Variants in GPR83 observed in about 807,000 individuals in gnomAD.
GPR83 encodes the protein G protein-coupled receptor 83.
GPR83 carries 23 observed loss-of-function variants against 28.0 expected under a neutral mutation model. The observed-to-expected ratio is 0.82, with a 90% CI of 0.59 to 1.16. The LOEUF (loss-of-function observed/expected upper bound fraction) is 1.16, where lower values mean the gene tolerates loss of function less well. Ranked by LOEUF, GPR83 falls within the 50% of genes most tolerant of loss-of-function variation. GPR83 has a pLI of 0.00. For synonymous variants in GPR83, 234 were observed against 215.4 expected, an observed-to-expected ratio of 1.09 and a Z score of -0.76; for missense variants, 610 against 536.6, an observed-to-expected ratio of 1.14 and a Z score of -1.35.
At chr11:94,394,940 T>G (rs1944852314) in intron 2 of GPR83, among the ~76,000 whole-genome samples, 1 of 152,176 alleles carries the variant, frequency 6.6e-6, no homozygotes, top group Non-Finnish European at 1.5e-5. Flanking sequence ...TAATCTGGGG[T>G]AAGCATAGGC....
At chr11:94,384,327 C>T (rs909635338) in intron 3 of GPR83, among the ~76,000 whole-genome samples, 5 of 152,168 alleles carry the variant, frequency 3.3e-5, no homozygotes, top group African/African-American at 1.2e-4. Flanking sequence ...ATCGATGGAA[C>T]ATATCTCAAA....
At chr11:94,399,037 C>T (rs1944889559) in intron 1 of GPR83, among the ~76,000 whole-genome samples, 1 of 152,174 alleles carries the variant, frequency 6.6e-6, no homozygotes, top group South Asian at 2.1e-4. Context: ...TCCATGGCCT[C>T]CCTACCCCTT....
Position 94,380,608 on chromosome 11 carries a change from C to A in GPR83, c.813G>T (p.Met271Ile). Residue 271 changes from methionine (M) to isoleucine (I), a missense_variant, in exon 4 of 4, where the codon ATG becomes ATT. Physicochemically the swap from Met to Ile is conservative, Grantham distance 10. Transcript: ENST00000243673. ...ACTGCTCTGTGGTCACATCGCCAAT[C>A]ATATTACACAGCCACAGTTTCTTGG... ...RVAKKLWLCN[M>I]IGDVTTEQYF... 1.9e-6 allele frequency: 3 copies of A among 1,614,124 alleles called. No individual in the cohort carries two copies. The highest frequency in any genetic ancestry group is 2.5e-6 in the Non-Finnish European group (3 of 1,180,020).
At chr11:94,398,648 C>T (rs564248482) in intron 1 of GPR83, among the ~76,000 whole-genome samples, 158 of 152,310 alleles carry the variant, frequency 1.0e-3, no homozygotes, top group African/African-American at 3.5e-3. Context: ...TAATTGTCTG[C>T]TTTTCTGTCC....
At position 94,389,674 on chromosome 11, in the gene GPR83, G is replaced by A. The variant is rs1248115145; in HGVS notation, c.647+3811C>T. Among the ~76,000 whole-genome samples, 3 of 152,262 alleles carry A rather than the reference G, an allele frequency of 2.0e-5. No individual in the cohort carries two copies. In the East Asian group the frequency reaches 5.8e-4, roughly 29 times the overall value. ...TCATTAAAAAGTCAGGAAACAACAG[G>A]TGCTGGAGAGGCTGTGGAGAAATAG... On this transcript the variant is annotated intron_variant, in intron 3 of 3. Transcript: ENST00000243673.
chr11:94,379,758 A>G lies in GPR83; in HGVS notation c.*391T>C, dbSNP rs543409573. The G allele has an allele frequency of 4.4e-5, 7 of 160,428 alleles. No homozygotes were observed. Among genetic ancestry groups the G allele is most frequent in the Non-Finnish European group, 9.5e-5 (7 of 73,636 alleles). 9.9% of individuals were successfully genotyped at this position (160,428 alleles called of 1,614,324 possible). On this transcript the variant is annotated 3_prime_UTR_variant, in exon 4 of 4. Coordinates refer to ENST00000243673, the MANE Select transcript of GPR83 (RefSeq NM_016540.4). ...CAGAGCTCTGTGCATCTGGGTCACCACACCCAAAGTATGATTTAGGTCTCC... is the reference window on the plus strand; with the variant it reads ...CAGAGCTCTGTGCATCTGGGTCACCGCACCCAAAGTATGATTTAGGTCTCC...
At position 94,401,189 on chromosome 11, in the gene GPR83, T is replaced by TG. The variant is rs1565189717; in HGVS notation, c.58dup (p.His20ProfsTer45). 2.5e-6 allele frequency: 4 copies of TG among 1,613,108 alleles called. No homozygotes were observed. Among genetic ancestry groups the TG allele is most frequent in the Non-Finnish European group, 3.4e-6 (4 of 1,179,650 alleles). ...GCTCTGCTCGTCGGCCCGGCCCTCG[T>TG]GGGGCTCGGTGGCTCGCACCAAGGG... On this transcript the variant is annotated frameshift_variant, in exon 1 of 4. Transcript: ENST00000243673. LOFTEE classifies it high-confidence loss of function.
chr11:94,380,721 G>T lies in GPR83; in HGVS notation c.700C>A (p.Leu234Ile). 6.2e-7 allele frequency: 1 copy of T among 1,612,816 alleles called. No individual in the cohort carries two copies. The highest frequency in any genetic ancestry group is 8.5e-7 in the Non-Finnish European group (1 of 1,179,882). ...CLPDFPEPAD[L>I]FWKYLDLATF... ...GCCAAGTCCAGGTACTTCCAGAAGA[G>T]GTCAGCTGGCTCAGGGAAGTCTGGC... Residue 234 changes from leucine to isoleucine, a missense_variant, in exon 4 of 4, where the codon CTC becomes ATC. By Grantham distance (5) the Leu-to-Ile change is conservative (BLOSUM62 2). Transcript: ENST00000243673.
At chr11:94,394,953 G>A (rs1439063225) in intron 2 of GPR83, among the ~76,000 whole-genome samples, 1 of 152,134 alleles carries the variant, frequency 6.6e-6, no homozygotes, top group Admixed American at 6.5e-5. Context: ...GCATAGGCCA[G>A]GTAAAAGTAA....
chr11:94,384,027 C>A (rs550724993), intron 3 of GPR83, among the ~76,000 whole-genome samples: 11 of 150,442 alleles, frequency 7.3e-5, no homozygotes, highest in African/African-American at 2.0e-4. Context: ...AGAGACACAA[C>A]AAAAAAAAAG....
In GPR83 at chr11:94,380,144, C is replaced by T; in HGVS notation, c.*5G>A. The stretch of plus-strand genomic sequence containing the variant: ...ACCCCTCCCACTCCCTCTTCCCAAC[C>T]TCTTCTAACTCATCGTCACAATGGG... On this transcript the variant is annotated 3_prime_UTR_variant, in exon 4 of 4. Transcript: ENST00000243673. 6.6e-7 allele frequency: 1 copy of T among 1,504,464 alleles called. No individual in the cohort carries two copies. Among genetic ancestry groups the T allele is most frequent in the South Asian group, 1.4e-5 (1 of 71,210 alleles). The allele number at this position is 1,504,464 out of a possible 1,614,324, so 93.2% of individuals were successfully genotyped here.
In GPR83 at chr11:94,388,721, T is replaced by A. The variant is rs184646523; in HGVS notation, c.647+4764A>T. On this transcript the variant is annotated intron_variant, in intron 3 of 3. Coordinates refer to ENST00000243673, the MANE Select transcript of GPR83 (RefSeq NM_016540.4). ...ATTCCATGCTCGTGGGTAGGAAGAA[T>A]CAGTATTGTGAAAATGGCCATACTG... 2.0e-5 allele frequency among the ~76,000 whole-genome samples: 3 copies of A among 152,246 alleles called. No homozygotes were observed. The East Asian group carries it at 5.8e-4, about 29-fold the overall frequency.
Position 94,381,582 on chromosome 11 carries a change from C to T in GPR83, c.648-809G>A, listed in dbSNP as rs61905731. On this transcript the variant is annotated intron_variant, in intron 3 of 3. Transcript: ENST00000243673. ...GAGTGTGTGTGTGTGTGTGTGTGCGCGCGTGCTGCAGGTGGGGTGGCACAT... is the reference window on the plus strand; with the variant it reads ...GAGTGTGTGTGTGTGTGTGTGTGCGTGCGTGCTGCAGGTGGGGTGGCACAT... 3.5e-3 allele frequency among the ~76,000 whole-genome samples: 91 copies of T among 26,368 alleles called. 2 individuals carry two copies. Among genetic ancestry groups the T allele is most frequent in the Middle Eastern group, 0.025 (1 of 40 alleles). 17.3% of individuals were successfully genotyped at this position (26,368 alleles called of 152,430 possible). A position where few individuals can be genotyped will look rare whatever the true frequency, so the allele number is the denominator to read the frequency against.
At chr11:94,386,986 C>A (rs1944763767) in intron 3 of GPR83, among the ~76,000 whole-genome samples, 1 of 152,220 alleles carries the variant, frequency 6.6e-6, no homozygotes, top group Admixed American at 6.5e-5. Flanking sequence ...TCTCCCAGAA[C>A]ACAGAGCAAT....
chr11:94,380,212 G>T lies in GPR83; in HGVS notation c.1209C>A (p.Thr403=). ...CTGTCTTCCCAGACTGGAGTTGGGA[G>T]GTGGGCAGGAGGTTATTGGCAAGGG... ...RAPLANNLLP[T]SQLQSGKTDL... The change falls in exon 4 of 4, where the codon ACC becomes ACA. Residue 403 remains threonine, a synonymous_variant. Coordinates refer to ENST00000243673, the MANE Select transcript of GPR83 (RefSeq NM_016540.4). 2 of 1,521,352 alleles carry T rather than the reference G, an allele frequency of 1.3e-6. No homozygotes were observed. The highest frequency in any genetic ancestry group is 1.8e-6 in the Non-Finnish European group (2 of 1,136,502). 94.2% of individuals were successfully genotyped at this position (1,521,352 alleles called of 1,614,324 possible).
rs1364715958 is a variant in GPR83 at position 94,378,591 on chromosome 11, A to G, written c.*1558T>C. 5.2e-5 allele frequency: 8 copies of G among 152,570 alleles called. No homozygotes were observed. The highest frequency in any genetic ancestry group is 1.7e-4 in the African/African-American group (7 of 41,432). 9.5% of individuals were successfully genotyped at this position (152,570 alleles called of 1,614,324 possible). ...AATTGAGATCTCTTAAGGATGCATA[A>G]GTTTCTGTAAGTGAAAGTTACACCT... On this transcript the variant is annotated 3_prime_UTR_variant, in exon 4 of 4. Transcript: ENST00000243673.
intron 3 of GPR83, among the ~76,000 whole-genome samples, chr11:94,382,966 C>G (rs956260727): frequency 2.0e-5 from 3 of 151,748 alleles, no homozygotes; most frequent in African/African-American, 7.3e-5. Flanking sequence ...AGCTTGAGAC[C>G]ATCCCGGCTA....
intron 3 of GPR83, among the ~76,000 whole-genome samples, chr11:94,382,243 T>G (rs1475344414): frequency 6.7e-6 from 1 of 149,148 alleles, no homozygotes. Context: ...TCCCAGCTAC[T>G]CGGGAGGCTG....
chr11:94,391,592 C>G (rs566610907), intron 3 of GPR83, among the ~76,000 whole-genome samples: 5 of 152,144 alleles, frequency 3.3e-5, no homozygotes, highest in Non-Finnish European at 5.9e-5. Flanking sequence ...GGCTAATACC[C>G]AGGATCTACA....
Sources: allele counts gnomAD v4.1 joint callset (sites outside exome capture counted in the v4.1 genomes callset), GRCh38; gene constraint gnomAD v4.1.1; transcripts MANE v1.5; gene names NCBI Gene and HGNC (gene_info 2026-07-23, HGNC 2026-07-21).